ABCG4: variants seen among roughly 807,000 people sequenced by gnomAD.
ABCG4 encodes ATP binding cassette subfamily G member 4.
ABCG4 carries 35 observed loss-of-function variants against 64.6 expected under a neutral mutation model. The ratio of observed to expected loss-of-function variants is 0.54; its 90% CI spans 0.41 to 0.72. ABCG4 has a LOEUF of 0.72. ABCG4 is among the 30% of genes least tolerant of loss of function. The pLI, the probability that ABCG4 is intolerant of heterozygous loss-of-function variation, is 0.00. For synonymous variants in ABCG4, 326 were observed against 348.2 expected (o/e 0.94, Z 0.71); for missense variants, 610 against 846.3 (o/e 0.72, Z 3.46).
In ABCG4 at chr11:119,154,476, C is replaced by T. The variant is rs1255016222; in HGVS notation, c.490-49C>T. 1 of 1,614,074 alleles carries T rather than the reference C, an allele frequency of 6.2e-7. No homozygotes were observed. The highest frequency in any genetic ancestry group is 8.5e-7 in the Non-Finnish European group (1 of 1,180,002). On this transcript the variant is annotated intron_variant, in intron 4 of 14. Transcript: ENST00000619701. This position sits in a 1 kb window ranked among gnomAD's most constrained non-coding sequence, Gnocchi z 7.0. Reference sequence around the variant, plus strand: ...TTCACCATTGGCGGAGGGTTCAAGGCAGAGCTCCCTCCCACACATACTTTT... The same window carrying T: ...TTCACCATTGGCGGAGGGTTCAAGGTAGAGCTCCCTCCCACACATACTTTT...
At position 119,160,901 on chromosome 11, in the gene ABCG4, T is replaced by A; in HGVS notation, c.1736T>A (p.Ile579Asn). The A allele has an allele frequency of 6.2e-7, 1 of 1,613,972 alleles. No individual in the cohort carries two copies. Among genetic ancestry groups the A allele is most frequent in the South Asian group, 1.1e-5 (1 of 91,076 alleles). Residue 579 changes from isoleucine to asparagine, a missense_variant, in exon 15 of 15, where the codon ATC (isoleucine) becomes AAC (asparagine). Ile to Asn is a moderately radical substitution (Grantham distance 149, BLOSUM62 -3). Transcript: ENST00000619701. This position sits in a 1 kb window ranked among gnomAD's most constrained non-coding sequence, Gnocchi z 4.6. Reference sequence around the variant, plus strand: ...CCTAGGTATGGCTTTGAGGGTGTGATCCTGACGATCTATGGCATGGAGCGA... The same window carrying A: ...CCTAGGTATGGCTTTGAGGGTGTGAACCTGACGATCTATGGCATGGAGCGA... Reference protein sequence around the residue: ...SYVRYGFEGVILTIYGMERGD... With the variant: ...SYVRYGFEGVNLTIYGMERGD...
chr11:119,154,548 T>C lies in ABCG4; in HGVS notation c.513T>C (p.Ser171=), dbSNP rs763359484. 1.9e-6 allele frequency: 3 copies of C among 1,613,510 alleles called. No individual in the cohort carries two copies. The South Asian group carries it at 3.3e-5, about 18-fold the overall frequency. ...AMMVSANLKL[S]EKQEVKKELV... ...AGGTCTCTGCTAACCTGAAGCTGAG[T>C]GAGAAGCAGGAGGTGAAGAAGGAGC... is the stretch of plus-strand genomic sequence containing the variant. Residue 171 remains serine, a synonymous_variant, in exon 5 of 15, where the codon AGT becomes AGC. Coordinates refer to ENST00000619701, the MANE Select transcript of ABCG4 (RefSeq NM_022169.5). This position sits in a 1 kb window ranked among gnomAD's most constrained non-coding sequence, Gnocchi z 7.0.
rs369212587 is a variant in ABCG4, at chr11:119,160,402, T to C, written c.1596+17T>C. 3.4e-5 allele frequency: 54 copies of C among 1,603,646 alleles called. No individual in the cohort carries two copies. The African/African-American group carries it at 6.4e-4, about 19-fold the overall frequency. On this transcript the variant is annotated intron_variant, in intron 13 of 14. Transcript: ENST00000619701. The surrounding 1 kb of genome is among the most constrained non-coding windows in gnomAD (Gnocchi z 4.6). ...TCCCTACAGGTGGGAGGGCTGGCAG[T>C]TGGGAATTCCCAAGGCGGGATGAGG... is the stretch of plus-strand genomic sequence containing the variant.
Position 119,160,799 on chromosome 11 carries a change from C to A in ABCG4, c.1716-82C>A. 6.6e-7 allele frequency: 1 copy of A among 1,519,484 alleles called. No homozygotes were observed. Among genetic ancestry groups the A allele is most frequent in the Non-Finnish European group, 9.1e-7 (1 of 1,103,228 alleles). The allele number at this position is 1,519,484 out of a possible 1,614,324, so 94.1% of individuals were successfully genotyped here. On this transcript the variant is annotated intron_variant, in intron 14 of 14. Transcript: ENST00000619701. The surrounding 1 kb of genome is among the most constrained non-coding windows in gnomAD (Gnocchi z 4.6). ...CCTGGCTGCACCCCAGGGATGACAG[C>A]ATTGCAGCTGGGCTCTGGCAGTTTT...
At position 119,156,687 on chromosome 11, in the gene ABCG4, G is replaced by A. The variant is rs759011191; in HGVS notation, c.925+9G>A. The A allele has an allele frequency of 1.9e-6, 3 of 1,613,822 alleles. No individual in the cohort carries two copies. In the Admixed American group the frequency reaches 5.0e-5, roughly 27 times the overall value. On this transcript the variant is annotated intron_variant, in intron 8 of 14. Coordinates refer to ENST00000619701, the MANE Select transcript of ABCG4 (RefSeq NM_022169.5). The surrounding 1 kb of genome is among the most constrained non-coding windows in gnomAD (Gnocchi z 5.5). ...CAACCCGGCTGACTTCAGTGAGTGG[G>A]GGTCTGTTGGTAGGGGCTGGGAAAC...
In ABCG4 at chr11:119,154,978, G is replaced by A; in HGVS notation, c.686+63G>A. ...TCCTCTCGGCCCTGAGCCAGGGCTG[G>A]AGGCTGCATCTTCTCCATGATCCAG... is the stretch of plus-strand genomic sequence containing the variant. On this transcript the variant is annotated intron_variant, in intron 6 of 14. Coordinates refer to ENST00000619701, the MANE Select transcript of ABCG4 (RefSeq NM_022169.5). This position sits in a 1 kb window ranked among gnomAD's most constrained non-coding sequence, Gnocchi z 7.0. The A allele has an allele frequency of 6.5e-7, 1 of 1,546,224 alleles. No homozygotes were observed. The highest frequency in any genetic ancestry group is 1.9e-5 in the Admixed American group (1 of 53,586).
chr11:119,149,728 T>G lies in ABCG4; in HGVS notation c.-12-226T>G. ...GAAGCCGCCGGGAGGAAGGAGCGAT[T>G]GAGGGCTTCAAGGGGACGGGCTGGG... On this transcript the variant is annotated intron_variant, in intron 1 of 14. Coordinates refer to ENST00000619701, the MANE Select transcript of ABCG4 (RefSeq NM_022169.5). This position sits in a 1 kb window ranked among gnomAD's most constrained non-coding sequence, Gnocchi z 8.3. 1 of 614,410 alleles carries G rather than the reference T, an allele frequency of 1.6e-6. No homozygotes were observed. Among genetic ancestry groups the G allele is most frequent in the South Asian group, 2.5e-5 (1 of 40,778 alleles). 38.1% of individuals were successfully genotyped at this position (614,410 alleles called of 1,614,324 possible).
At position 119,149,188 on chromosome 11, in the gene ABCG4, G is replaced by T. The variant is rs1175258498; in HGVS notation, c.-188G>T. The T allele has an allele frequency of 4.6e-5, 7 of 151,952 alleles. No homozygotes were observed. The highest frequency in any genetic ancestry group is 4.1e-4 in the South Asian group (2 of 4,830). The allele number at this position is 151,952 out of a possible 1,614,324, so 9.4% of individuals were successfully genotyped here. Reference sequence around the variant, plus strand: ...TGCCGTCTCCTCCGAGCCGAGGGCCGGCCCTCCTGCCTCGCCTGCCCCGCC... The same window carrying T: ...TGCCGTCTCCTCCGAGCCGAGGGCCTGCCCTCCTGCCTCGCCTGCCCCGCC... On this transcript the variant is annotated 5_prime_UTR_variant, in exon 1 of 15. Transcript: ENST00000619701. The surrounding 1 kb of genome is among the most constrained non-coding windows in gnomAD (Gnocchi z 8.3).
Position 119,154,263 on chromosome 11 carries a change from G to A in ABCG4, c.360G>A (p.Glu120=), listed in dbSNP as rs1948233716. The A allele has an allele frequency of 1.2e-6, 2 of 1,614,202 alleles. No homozygotes were observed. Among genetic ancestry groups the A allele is most frequent in the Non-Finnish European group, 8.5e-7 (1 of 1,180,030 alleles). ...TFMNILAGYR[E]SGMKGQILVN... ...TCCTCAACCCACATCCCTGCAGGGA[G>A]TCTGGAATGAAGGGGCAGATCCTGG... Residue 120 remains glutamate (E), a synonymous_variant, in exon 4 of 15, where the codon GAG becomes GAA. Coordinates refer to ENST00000619701, the MANE Select transcript of ABCG4 (RefSeq NM_022169.5). This position sits in a 1 kb window ranked among gnomAD's most constrained non-coding sequence, Gnocchi z 7.0.
chr11:119,154,383 A>G lies in ABCG4; in HGVS notation c.480A>G (p.Glu160=). ...TGCTGCCGCACCTCACGGTGTTGGA[A>G]GCCATGATGGTGAGGGCTGGATAGT... The part of the protein sequence containing the change: ...DMLLPHLTVL[E]AMMVSANLKL... The change falls in exon 4 of 15, where the codon GAA becomes GAG. Residue 160 remains glutamate (E), a synonymous_variant. Transcript: ENST00000619701. The surrounding 1 kb of genome is among the most constrained non-coding windows in gnomAD (Gnocchi z 7.0). 6.2e-7 allele frequency: 1 copy of G among 1,614,190 alleles called. No homozygotes were observed. Among genetic ancestry groups the G allele is most frequent in the Non-Finnish European group, 8.5e-7 (1 of 1,180,038 alleles).
rs1364845163 is a variant in ABCG4, at chr11:119,156,301, G to A, written c.687-28G>A. The A allele has an allele frequency of 1.9e-6, 3 of 1,613,814 alleles. No individual in the cohort carries two copies. Among genetic ancestry groups the A allele is most frequent in the African/African-American group, 1.3e-5 (1 of 74,918 alleles). ...TCTTTTGGCCTCACCCACCTCACGTGGCCCCCTGGTGGCCTCTCTCTGGAC... is the reference window on the plus strand; with the variant it reads ...TCTTTTGGCCTCACCCACCTCACGTAGCCCCCTGGTGGCCTCTCTCTGGAC... On this transcript the variant is annotated intron_variant, in intron 6 of 14. Coordinates refer to ENST00000619701, the MANE Select transcript of ABCG4 (RefSeq NM_022169.5). The surrounding 1 kb of genome is among the most constrained non-coding windows in gnomAD (Gnocchi z 5.5).
chr11:119,152,312 G>A (rs1948202808), intron 2 of ABCG4, among the ~76,000 whole-genome samples: 1 of 152,208 alleles, frequency 6.6e-6, no homozygotes, highest in African/African-American at 2.4e-5. Context: ...TGTAAACCAT[G>A]GGTACCATCC....
chr11:119,160,155 G>T lies in ABCG4; in HGVS notation c.1438-72G>T. On this transcript the variant is annotated intron_variant, in intron 12 of 14. Transcript: ENST00000619701. This position sits in a 1 kb window ranked among gnomAD's most constrained non-coding sequence, Gnocchi z 4.6. Reference sequence around the variant, plus strand: ...ATAGGTATTCTAGAGGCCCAGCCTTGGGTGGAGTGGAGGTCTTGGCTGCTG... The same window carrying T: ...ATAGGTATTCTAGAGGCCCAGCCTTTGGTGGAGTGGAGGTCTTGGCTGCTG... 6.5e-7 allele frequency: 1 copy of T among 1,527,076 alleles called. No homozygotes were observed. 94.6% of individuals were successfully genotyped at this position (1,527,076 alleles called of 1,614,324 possible).
rs1178919692 is a variant in ABCG4 at position 119,155,742 on chromosome 11, C to T, written c.687-587C>T. ...TGACTTACAAGGGCCTGGTCTGAAC[C>T]TACTTCTCCAGCCTCAAGTCATGTA... On this transcript the variant is annotated intron_variant, in intron 6 of 14. Transcript: ENST00000619701. The surrounding 1 kb of genome is among the most constrained non-coding windows in gnomAD (Gnocchi z 4.5). 1 of 154,526 alleles carries T rather than the reference C, an allele frequency of 6.5e-6. No homozygotes were observed. The highest frequency in any genetic ancestry group is 1.4e-5 in the Non-Finnish European group (1 of 69,670). 9.6% of individuals were successfully genotyped at this position (154,526 alleles called of 1,614,324 possible).
At position 119,156,444 on chromosome 11, in the gene ABCG4, T is replaced by G. The variant is rs1397130905; in HGVS notation, c.802T>G (p.Phe268Val). The G allele has an allele frequency of 6.2e-7, 1 of 1,614,128 alleles. No individual in the cohort carries two copies. The highest frequency in any genetic ancestry group is 1.7e-5 in the Admixed American group (1 of 60,014). Residue 268 changes from phenylalanine to valine, a missense_variant, in exon 7 of 15, where the codon TTT becomes GTT. Transcript: ENST00000619701. This position sits in a 1 kb window ranked among gnomAD's most constrained non-coding sequence, Gnocchi z 5.5. The part of the protein sequence containing the change: ...HQPSAKLFEM[F>V]DKLYILSQGQ... The stretch of plus-strand genomic sequence containing the variant: ...GCCCAGTGCCAAGCTCTTTGAGATG[T>G]TTGACAAGGTGAGTGTCTCCAGGCC...
At chr11:119,151,737 G>C (rs1262302405) in intron 2 of ABCG4, among the ~76,000 whole-genome samples, 1 of 152,192 alleles carries the variant, frequency 6.6e-6, no homozygotes, top group Non-Finnish European at 1.5e-5. Context: ...TAAAGATTAA[G>C]TGACTTGACA....
Position 119,149,596 on chromosome 11 carries a change from T to A in ABCG4, c.-13+233T>A. 1 of 260,020 alleles carries A rather than the reference T, an allele frequency of 3.8e-6. No homozygotes were observed. The highest frequency in any genetic ancestry group is 7.5e-6 in the Non-Finnish European group (1 of 133,054). 16.1% of individuals were successfully genotyped at this position (260,020 alleles called of 1,614,324 possible). On this transcript the variant is annotated intron_variant, in intron 1 of 14. Transcript: ENST00000619701. The surrounding 1 kb of genome is among the most constrained non-coding windows in gnomAD (Gnocchi z 8.3). The stretch of plus-strand genomic sequence containing the variant: ...CTGGTCCGCCCTGCACTCACCCTGC[T>A]ACCCCGACCTCCTAGAGCGGGCAGC...
At chr11:119,151,865 T>C (rs954071586) in intron 2 of ABCG4, among the ~76,000 whole-genome samples, 11 of 152,212 alleles carry the variant, frequency 7.2e-5, no homozygotes, top group African/African-American at 2.4e-4. Flanking sequence ...TCCTAGTCAC[T>C]TATAAGCTGT....
At position 119,158,740 on chromosome 11, in the gene ABCG4, C is replaced by G. The variant is rs1220726308; in HGVS notation, c.1336+15C>G. 3 of 1,614,154 alleles carry G rather than the reference C, an allele frequency of 1.9e-6. No individual in the cohort carries two copies. Among genetic ancestry groups the G allele is most frequent in the East Asian group, 2.2e-5 (1 of 44,894 alleles). Reference sequence around the variant, plus strand: ...TGTGCTCACCTGTGAGCTGAGCTGCCCTGGGCATGGGGCAAGGGTGTGGGT... The same window carrying G: ...TGTGCTCACCTGTGAGCTGAGCTGCGCTGGGCATGGGGCAAGGGTGTGGGT... On this transcript the variant is annotated intron_variant, in intron 11 of 14. Transcript: ENST00000619701. The surrounding 1 kb of genome is among the most constrained non-coding windows in gnomAD (Gnocchi z 4.5).
Sources: gnomAD v4.1 joint callset for allele counts (sites outside exome capture counted in the v4.1 genomes callset) on GRCh38, gnomAD v4.1.1 for gene constraint, Gnocchi (gnomAD v3.1) non-coding constraint, MANE v1.5 for transcripts, NCBI Gene and HGNC (gene_info 2026-07-23, HGNC 2026-07-21) for gene names.